The following EEF1A2 variants were observed in gnomAD, a reference collection of about 807,000 sequenced individuals.
The protein encoded by EEF1A2 is eukaryotic translation elongation factor 1 alpha 2.
Under a neutral mutation model 39.3 loss-of-function variants are expected in EEF1A2, and 5 were observed. That is an observed-to-expected ratio of 0.13 (90% CI 0.07 to 0.27). EEF1A2 has a LOEUF of 0.27. Among genes scored for constraint, EEF1A2 ranks in the 10% least tolerant of loss-of-function variants. EEF1A2 has a pLI of 1.00. For missense variants in EEF1A2, 218 were observed against 681.4 expected (o/e 0.32, Z 7.57); for synonymous variants, 287 against 293.7 (o/e 0.98, Z 0.23).
In EEF1A2 at chr20:63,493,290, G is replaced by A; in HGVS notation, c.622-3C>T. 1 of 1,507,484 alleles carries A rather than the reference G, an allele frequency of 6.6e-7. No homozygotes were observed. Among genetic ancestry groups the A allele is most frequent in the South Asian group, 1.3e-5 (1 of 78,582 alleles). 93.4% of individuals were successfully genotyped at this position (1,507,484 alleles called of 1,614,324 possible). A position where few individuals can be genotyped will look rare whatever the true frequency, so the allele number is the denominator to read the frequency against. ...TTCCAGCCCTTGAACCACGGCATCT[G>A]GACCAAAGGGAGAAAATCAATCCGT... On this transcript the variant is annotated splice_polypyrimidine_tract_variant and splice_region_variant and intron_variant, in intron 4 of 7. Coordinates refer to ENST00000217182, the MANE Select transcript of EEF1A2 (RefSeq NM_001958.5).
rs1351235666 is a variant in EEF1A2, at chr20:63,498,003, A to G, written c.-71-169T>C. 2 of 510,488 alleles carry G rather than the reference A, an allele frequency of 3.9e-6. No individual in the cohort carries two copies. Among genetic ancestry groups the G allele is most frequent in the Non-Finnish European group, 6.9e-6 (2 of 289,772 alleles). The allele number at this position is 510,488 out of a possible 1,614,324, so 31.6% of individuals were successfully genotyped here. ...CCCACAGCTGGGCCTGGCCAGGGCAAGCAGAGGCTGTGCACTGCCCCCACC... is the reference window on the plus strand; with the variant it reads ...CCCACAGCTGGGCCTGGCCAGGGCAGGCAGAGGCTGTGCACTGCCCCCACC... On this transcript the variant is annotated intron_variant, in intron 1 of 7. Coordinates refer to ENST00000217182, the MANE Select transcript of EEF1A2 (RefSeq NM_001958.5). The surrounding 1 kb of genome is among the most constrained non-coding windows in gnomAD (Gnocchi z 4.1).
rs113504041 is a variant in EEF1A2 at position 63,493,378 on chromosome 20, G to A, written c.622-91C>T. On this transcript the variant is annotated intron_variant, in intron 4 of 7. Coordinates refer to ENST00000217182, the MANE Select transcript of EEF1A2 (RefSeq NM_001958.5). ...CCAGGGTGCTTCCAGGAGTACTGCT[G>A]TTCAGGCTAAACTTGCCTCGTGCCC... 32,557 of 1,403,440 alleles carry A rather than the reference G, an allele frequency of 0.023. 452 individuals are homozygous for A. The highest frequency in any genetic ancestry group is 0.026 in the Non-Finnish European group (27,821 of 1,063,780). The allele number at this position is 1,403,440 out of a possible 1,614,324, so 86.9% of individuals were successfully genotyped here.
At chr20:63,490,246 T>C (rs1464461409) in intron 6 of EEF1A2, 5 of 487,578 alleles carry the variant, frequency 1.0e-5, no homozygotes, top group Non-Finnish European at 1.8e-5. Context: ...TTTGTATTTT[T>C]AGTAGAGACG....
At chr20:63,493,009 C>T in intron 5 of EEF1A2, 128 bp downstream of exon 5, 1 of 1,294,062 alleles carries the variant, frequency 7.7e-7, no homozygotes, top group Non-Finnish European at 1.0e-6. Flanking sequence ...GATGGACTGT[C>T]CCACAGAAAG....
At chr20:63,490,437 T>G in intron 6 of EEF1A2, 42 bp downstream of exon 6, 1 of 1,583,878 alleles carries the variant, frequency 6.3e-7, no homozygotes, top group Non-Finnish European at 8.6e-7. Context: ...CCTGCTGCTG[T>G]CCAGCAGGCG....
At chr20:63,494,663 G>C (rs2145944579) in intron 4 of EEF1A2, 142 bp downstream of exon 4, 1 of 1,229,548 alleles carries the variant, frequency 8.1e-7, no homozygotes, top group Non-Finnish European at 1.1e-6. Context: ...GAGCCAGTTA[G>C]GGAAACCCAG....
rs1448624891 is a variant in EEF1A2, at chr20:63,488,295, G to A, written c.*3C>T. 7.6e-6 allele frequency: 10 copies of A among 1,313,804 alleles called. No homozygotes were observed. Among genetic ancestry groups the A allele is most frequent in the Non-Finnish European group, 9.8e-6 (10 of 1,017,360 alleles). The allele number at this position is 1,313,804 out of a possible 1,614,324, so 81.4% of individuals were successfully genotyped here. ...GGAGGGTCGCGCCGCGGGCGCCCGC[G>A]CTTCACTTGCCCGCCTTCTGCGCCT... is the stretch of plus-strand genomic sequence containing the variant. On this transcript the variant is annotated 3_prime_UTR_variant, in exon 8 of 8. Transcript: ENST00000217182.
chr20:63,489,552 G>A (rs766875321), intron 6 of EEF1A2, among the ~76,000 whole-genome samples: 4 of 152,146 alleles, frequency 2.6e-5, no homozygotes, highest in East Asian at 1.9e-4. Flanking sequence ...GGAGGCTGAC[G>A]CACGTGGATC....
Position 63,489,087 on chromosome 20 carries a change from T to C in EEF1A2, c.1095A>G (p.Thr365=), listed in dbSNP as rs1057521881. ...AGYSPVIDCH[T]AHIACKFAEL... is the part of the protein sequence containing the mutation. ...CCGCAAACTTGCAGGCGATGTGGGC[T>C]GTGTGGCAGTCGATGACCGGGGAGT... The change falls in exon 7 of 8, where the codon ACA becomes ACG. Residue 365 remains threonine (T), a synonymous_variant. Coordinates refer to ENST00000217182, the MANE Select transcript of EEF1A2 (RefSeq NM_001958.5). 6.2e-7 allele frequency: 1 copy of C among 1,612,786 alleles called. No homozygotes were observed. Among genetic ancestry groups the C allele is most frequent in the Non-Finnish European group, 8.5e-7 (1 of 1,179,936 alleles).
At chr20:63,493,963 C>A (rs993788802) in intron 4 of EEF1A2, among the ~76,000 whole-genome samples, 1 of 152,236 alleles carries the variant, frequency 6.6e-6, no homozygotes, top group African/African-American at 2.4e-5. Flanking sequence ...GTGGCGTTCG[C>A]CACATGATAC....
chr20:63,492,788 A>G (rs1362946050), intron 5 of EEF1A2, among the ~76,000 whole-genome samples: 68 of 51,178 alleles, frequency 1.3e-3, no homozygotes, highest in Non-Finnish European at 1.6e-3. Flanking sequence ...ATAGATGGAG[A>G]GATGGAGGGA....
intron 3 of EEF1A2, 68 bp downstream of exon 3, chr20:63,495,788 G>A (rs2145945332): frequency 1.3e-6 from 2 of 1,568,922 alleles, no homozygotes; most frequent in East Asian, 4.5e-5. Context: ...GTGACCCCAG[G>A]GGCCCCCAGT....
In EEF1A2 at chr20:63,494,744, C is replaced by T. The variant is rs996560998; in HGVS notation, c.621+61G>A. The T allele has an allele frequency of 3.9e-5, 60 of 1,546,768 alleles. 1 individual carries two copies. The highest frequency in any genetic ancestry group is 3.0e-4 in the South Asian group (25 of 83,952). On this transcript the variant is annotated intron_variant, in intron 4 of 7. Coordinates refer to ENST00000217182, the MANE Select transcript of EEF1A2 (RefSeq NM_001958.5). Reference sequence around the variant, plus strand: ...CTCCCCGTGCCACCTGCCGGTGCCTCGCTCTGGGCCAGGGGGTCCAGCCAG... The same window carrying T: ...CTCCCCGTGCCACCTGCCGGTGCCTTGCTCTGGGCCAGGGGGTCCAGCCAG...
intron 5 of EEF1A2, among the ~76,000 whole-genome samples, chr20:63,492,094 G>A (rs200742085): frequency 1.0e-4 from 3 of 30,140 alleles, no homozygotes; most frequent in Non-Finnish European, 1.4e-4. Context: ...AGGTGGATGG[G>A]TGGATGGGGA....
chr20:63,496,081 G>A (rs1423025389), intron 2 of EEF1A2, 46 bp from the exon 3 acceptor site: 1 of 1,602,958 alleles, frequency 6.2e-7, no homozygotes, highest in African/African-American at 1.3e-5. Context: ...CCGGGACCCA[G>A]GAGTCCCTGG....
chr20:63,491,866 GTGGATGGATAGA>G (rs1299411188), intron 5 of EEF1A2, among the ~76,000 whole-genome samples: 23 of 99,318 alleles, frequency 2.3e-4, no homozygotes, highest in East Asian at 2.0e-3. Context: ...GGATGGGGAG[GTGGATGGATAGA>G]TGGATGGATG....
intron 2 of EEF1A2, chr20:63,496,549 TC>T (rs2082418664): frequency 6.4e-6 from 1 of 155,044 alleles, no homozygotes; most frequent in Non-Finnish European, 1.4e-5. Flanking sequence ...TGCTCCAGCC[TC>T]CCCATCCCTC....
chr20:63,496,472 T>C (rs1349185872), intron 2 of EEF1A2: 2 of 164,750 alleles, frequency 1.2e-5, no homozygotes, highest in Non-Finnish European at 2.6e-5. Flanking sequence ...TGTGTTTTTT[T>C]AAGGTAAGGA....
chr20:63,488,835 C>G (rs796195140), intron 7 of EEF1A2, 83 bp downstream of exon 7: 3 of 1,436,500 alleles, frequency 2.1e-6, no homozygotes, highest in Non-Finnish European at 2.8e-6. Flanking sequence ...CTGTCCCCAG[C>G]GCCCCATCCC....
Sources: allele counts gnomAD v4.1 joint callset (sites outside exome capture counted in the v4.1 genomes callset), GRCh38; gene constraint gnomAD v4.1.1; non-coding constraint Gnocchi (gnomAD v3.1); transcripts MANE v1.5; gene names NCBI Gene and HGNC (gene_info 2026-07-23, HGNC 2026-07-21).